NINL: variants seen among roughly 807,000 people sequenced by gnomAD.
NINL encodes the protein ninein-like protein.
Under a neutral mutation model 160.3 loss-of-function variants are expected in NINL, and 153 were observed. That is an observed-to-expected ratio of 0.95 (90% confidence interval 0.84 to 1.09). The LOEUF (loss-of-function observed/expected upper bound fraction) is 1.09. NINL is among the 50% of genes least tolerant of loss of function. NINL has a pLI of 0.00. For missense variants in NINL, 1,829 were observed against 1,764.0 expected, an observed-to-expected ratio of 1.04 and a Z score of -0.66; for synonymous variants, 800 against 734.8, an observed-to-expected ratio of 1.09 and a Z score of -1.43.
chr20:25,573,126 G>T (rs1428167938), intron 1 of NINL, among the ~76,000 whole-genome samples: 7 of 152,124 alleles, frequency 4.6e-5, no homozygotes, highest in African/African-American at 1.7e-4. Context: ...GTGAAACCCT[G>T]TCTCTACTAA....
chr20:25,542,956 C>CTTGAACCTGG (rs572513199), intron 1 of NINL, among the ~76,000 whole-genome samples: 264 of 148,822 alleles, frequency 1.8e-3, no homozygotes, highest in Middle Eastern at 7.2e-3. Flanking sequence ...ACGAGAATTG[C>CTTGAACCTGG]TTGAACCTGG....
At chr20:25,549,813 A>C (rs1369294864) in intron 1 of NINL, among the ~76,000 whole-genome samples, 1 of 152,214 alleles carries the variant, frequency 6.6e-6, no homozygotes, top group Non-Finnish European at 1.5e-5. Context: ...TTTTTTAAAA[A>C]ATGTTTCCAC....
chr20:25,509,894 C>T (rs1416043450), intron 5 of NINL, among the ~76,000 whole-genome samples: 2 of 152,204 alleles, frequency 1.3e-5, no homozygotes, highest in East Asian at 3.8e-4. Context: ...CTTCCCAGAG[C>T]CTTTGTTCCT....
Position 25,484,982 on chromosome 20 carries a change from G to C in NINL, c.1678-2882C>G, listed in dbSNP as rs1338917305. ...CGGGGCACAACATCACCCATGTGCTGTGCCAGCTGAGGATGCACAGCCTCA... is the reference window on the plus strand; with the variant it reads ...CGGGGCACAACATCACCCATGTGCTCTGCCAGCTGAGGATGCACAGCCTCA... On this transcript the variant is annotated intron_variant, in intron 13 of 23. Coordinates refer to ENST00000278886, the MANE Select transcript of NINL (RefSeq NM_025176.6). Among the ~76,000 whole-genome samples, 5 of 152,352 alleles carry C rather than the reference G, an allele frequency of 3.3e-5. No homozygotes were observed. In the East Asian group the frequency reaches 5.8e-4, roughly 18 times the overall value.
chr20:25,526,620 A>C (rs752319214), intron 1 of NINL, 22 bp from the exon 2 acceptor site: 1 of 1,601,698 alleles, frequency 6.2e-7, no homozygotes, highest in South Asian at 1.1e-5. Context: ...CAAGGGAAGA[A>C]GAAAACATCA....
At chr20:25,575,184 C>T (rs1377919402) in intron 1 of NINL, among the ~76,000 whole-genome samples, 2 of 150,042 alleles carry the variant, frequency 1.3e-5, no homozygotes, top group East Asian at 2.0e-4. Flanking sequence ...TGCGGTGGCT[C>T]ACACCTGTAA....
At chr20:25,574,999 A>G (rs185788836) in intron 1 of NINL, among the ~76,000 whole-genome samples, 1 of 152,274 alleles carries the variant, frequency 6.6e-6, no homozygotes, top group East Asian at 1.9e-4. Context: ...TGTACCCCCA[A>G]GTCAAAAATA....
At chr20:25,492,424 T>C (rs910688560) in intron 10 of NINL, among the ~76,000 whole-genome samples, 3 of 152,134 alleles carry the variant, frequency 2.0e-5, no homozygotes, top group Non-Finnish European at 4.4e-5. Context: ...AGATGCTCTG[T>C]GGCCATCAGA....
chr20:25,508,920 C>G (rs1042419888), intron 5 of NINL, among the ~76,000 whole-genome samples: 1 of 152,226 alleles, frequency 6.6e-6, no homozygotes, highest in Non-Finnish European at 1.5e-5. Context: ...ATGACACCCC[C>G]CTGTTCTAAC....
At chr20:25,584,544 C>A (rs1433873520) in intron 1 of NINL, among the ~76,000 whole-genome samples, 1 of 152,204 alleles carries the variant, frequency 6.6e-6, no homozygotes, top group Non-Finnish European at 1.5e-5. Flanking sequence ...TGTGAAAAAC[C>A]TAGAAGTCAC....
chr20:25,534,208 A>C (rs1467187283), intron 1 of NINL, among the ~76,000 whole-genome samples: 2 of 152,092 alleles, frequency 1.3e-5, no homozygotes, highest in East Asian at 3.9e-4. Context: ...CTATTCTATA[A>C]AATCCCCAAC....
At chr20:25,505,598 A>T (rs2063947489) in intron 5 of NINL, among the ~76,000 whole-genome samples, 1 of 152,224 alleles carries the variant, frequency 6.6e-6, no homozygotes, top group South Asian at 2.1e-4. Flanking sequence ...TTTGTCAATC[A>T]CACCTCAATA....
At chr20:25,545,801 G>C (rs1419405237) in intron 1 of NINL, among the ~76,000 whole-genome samples, 1 of 152,112 alleles carries the variant, frequency 6.6e-6, no homozygotes, top group Admixed American at 6.6e-5. Flanking sequence ...CTCTTGTGGG[G>C]AAAATCTACA....
chr20:25,519,654 T>G (rs1305990623), intron 2 of NINL, among the ~76,000 whole-genome samples: 1 of 151,910 alleles, frequency 6.6e-6, no homozygotes, highest in Admixed American at 6.6e-5. Context: ...TACCTGACAA[T>G]GAAAAAGAAC....
intron 1 of NINL, among the ~76,000 whole-genome samples, chr20:25,550,198 T>C (rs2064789362): frequency 6.6e-6 from 1 of 152,194 alleles, no homozygotes; most frequent in South Asian, 2.1e-4. Flanking sequence ...CTGAGCAACA[T>C]AGCGAGACTG....
intron 13 of NINL, among the ~76,000 whole-genome samples, chr20:25,487,826 G>A (rs1014930251): frequency 6.6e-6 from 1 of 152,226 alleles, no homozygotes; most frequent in Non-Finnish European, 1.5e-5. Flanking sequence ...GGTGGGGTGA[G>A]ACCATGGGGA....
At chr20:25,571,358 G>A (rs998134635) in intron 1 of NINL, among the ~76,000 whole-genome samples, 1 of 152,194 alleles carries the variant, frequency 6.6e-6, no homozygotes, top group South Asian at 2.1e-4. Context: ...CAGGGTCAAG[G>A]AGTGGGCCTG....
At chr20:25,500,061 G>C (rs2063837929) in intron 8 of NINL, among the ~76,000 whole-genome samples, 2 of 151,996 alleles carry the variant, frequency 1.3e-5, no homozygotes, top group African/African-American at 4.8e-5. Context: ...CCCCCTCCAG[G>C]GAATAGGGAG....
chr20:25,545,772 AG>A (rs2064723939), intron 1 of NINL, among the ~76,000 whole-genome samples: 1 of 152,198 alleles, frequency 6.6e-6, no homozygotes, highest in African/African-American at 2.4e-5. Context: ...CATATCTTGA[AG>A]TACTCCTGCA....
Sources: gnomAD v4.1 joint callset for allele counts (sites outside exome capture counted in the v4.1 genomes callset) on GRCh38, gnomAD v4.1.1 for gene constraint, MANE v1.5 for transcripts, NCBI Gene and HGNC (gene_info 2026-07-23, HGNC 2026-07-21) for gene names.